The following TBCB variants were observed in gnomAD, a reference collection of about 807,000 sequenced individuals.
TBCB encodes the protein tubulin folding cofactor B, also known as tubulin-folding cofactor B.
TBCB carries 18 observed loss-of-function variants against 29.2 expected under a neutral mutation model. The ratio of observed to expected loss-of-function variants is 0.62; its 90% CI spans 0.43 to 0.91. TBCB has a LOEUF of 0.91. Among genes scored for constraint, TBCB ranks in the 40% least tolerant of loss-of-function variants. The pLI is 0.00. For missense variants in TBCB, 336 were observed against 337.6 expected (o/e 1.00, Z 0.04); for synonymous variants, 172 against 137.8 (o/e 1.25, Z -1.74).
In TBCB at chr19:36,115,569, G is replaced by A. The variant is rs1278925381; in HGVS notation, c.9G>A (p.Val3=). 3.7e-6 allele frequency: 6 copies of A among 1,607,508 alleles called. No homozygotes were observed. The highest frequency in any genetic ancestry group is 5.1e-6 in the Non-Finnish European group (6 of 1,177,458). Residue 3 remains valine, a synonymous_variant, in exon 1 of 6, where the codon GTG becomes GTA. Coordinates refer to ENST00000221855, the MANE Select transcript of TBCB (RefSeq NM_001281.3). The stretch of plus-strand genomic sequence containing the variant: ...CCGCAGGGCGCGGCAAGATGGAGGT[G>A]ACGGGGGTGTCGGCACCCACGGTGA... ME[V]TGVSAPTVTV...
chr19:36,117,292 C>A (rs1420643769), intron 2 of TBCB, among the ~76,000 whole-genome samples: 1 of 152,154 alleles, frequency 6.6e-6, no homozygotes, highest in East Asian at 1.9e-4. Flanking sequence ...ACTACTGTGT[C>A]CCCAGTACTT....
intron 3 of TBCB, 109 bp downstream of exon 3, chr19:36,120,915 C>T (rs568960844): frequency 2.5e-5 from 24 of 950,778 alleles, no homozygotes; most frequent in African/African-American, 2.5e-4. Flanking sequence ...GTGGTGTAGA[C>T]GGGGGGCCGA....
rs751435819 is a variant in TBCB, at chr19:36,121,594, G to A, written c.423G>A (p.Gln141=). ...GRYNEEERAQ[Q]EAEAAQRLAE... ...ACAACGAGGAGGAGCGGGCTCAGCA[G>A]GAGGCCGAGGCCGCCCAGCGCCTGG... The change falls in exon 4 of 6, where the codon CAG becomes CAA. Residue 141 remains glutamine (Q), a synonymous_variant. Transcript: ENST00000221855. 1 of 1,555,506 alleles carries A rather than the reference G, an allele frequency of 6.4e-7. No individual in the cohort carries two copies. The highest frequency in any genetic ancestry group is 1.9e-5 in the Admixed American group (1 of 51,868).
At chr19:36,122,241 G>C (rs894266694) in intron 4 of TBCB, 1 of 198,958 alleles carries the variant, frequency 5.0e-6, no homozygotes, top group African/African-American at 2.4e-5. Flanking sequence ...TGTAGTCAGG[G>C]GCATGGGCAG....
In TBCB at chr19:36,125,785, C is replaced by T. The variant is rs1466023583; in HGVS notation, c.*3C>T. The T allele has an allele frequency of 2.0e-6, 3 of 1,508,384 alleles. No individual in the cohort carries two copies. The highest frequency in any genetic ancestry group is 2.7e-6 in the Non-Finnish European group (3 of 1,127,578). 93.4% of individuals were successfully genotyped at this position (1,508,384 alleles called of 1,614,324 possible). On this transcript the variant is annotated 3_prime_UTR_variant, in exon 6 of 6. Transcript: ENST00000221855. ...ACTACGGGTTGGACGAGATATGACA[C>T]CTAAGGAATTCCCCTGCTTCAGCTC...
chr19:36,116,892 A>T (rs150163654), intron 2 of TBCB: 2 of 152,568 alleles, frequency 1.3e-5, no homozygotes, highest in East Asian at 3.9e-4. Flanking sequence ...AAGTGCTGGG[A>T]TTACAGGCGT....
intron 2 of TBCB, chr19:36,118,596 CT>C (rs1973995034): frequency 6.6e-6 from 1 of 150,576 alleles, no homozygotes; most frequent in Non-Finnish European, 1.5e-5. Flanking sequence ...AGGAGGATCA[CT>C]TGAACCCAGG....
intron 2 of TBCB, chr19:36,116,795 A>G (rs1274521437): frequency 2.0e-5 from 3 of 151,678 alleles, no homozygotes; most frequent in Non-Finnish European, 4.4e-5. Flanking sequence ...TAATTTTTGT[A>G]TTTTTAGTAG....
chr19:36,116,290 C>G, intron 2 of TBCB, 106 bp downstream of exon 2: 1 of 1,445,756 alleles, frequency 6.9e-7, no homozygotes, highest in Non-Finnish European at 9.4e-7. Flanking sequence ...TAGGTCCTGC[C>G]TTCGTGGAGC....
Position 36,121,536 on chromosome 19 carries a change from G to A in TBCB, c.365G>A (p.Arg122His), listed in dbSNP as rs1974049874. The change falls in exon 4 of 6, where the codon CGC becomes CAC. Residue 122 changes from arginine (R) to histidine (H), a missense_variant. Physicochemically the swap from Arg to His is conservative, Grantham distance 29. Coordinates refer to ENST00000221855, the MANE Select transcript of TBCB (RefSeq NM_001281.3). ...CCCCCTCTGCCCACAGACACGGTCC[G>A]CTCTTTCCTGAAGCGCAGCAAGCTC... ...EAYDQRQDTV[R>H]SFLKRSKLGR... 6 of 1,557,470 alleles carry A rather than the reference G, an allele frequency of 3.9e-6. No homozygotes were observed. The highest frequency in any genetic ancestry group is 1.9e-5 in the Admixed American group (1 of 52,592).
At chr19:36,119,921 C>T (rs1027679672) in intron 2 of TBCB, among the ~76,000 whole-genome samples, 2 of 151,804 alleles carry the variant, frequency 1.3e-5, no homozygotes, top group East Asian at 1.9e-4. Context: ...CCAAAGTCTC[C>T]AGCAGTCCCT....
At position 36,125,862 on chromosome 19, in the gene TBCB, C is replaced by T. The variant is rs529542468; in HGVS notation, c.*80C>T. 19 of 1,000,220 alleles carry T rather than the reference C, an allele frequency of 1.9e-5. No homozygotes were observed. In the South Asian group the frequency reaches 4.3e-4, roughly 22 times the overall value. The allele number at this position is 1,000,220 out of a possible 1,614,324, so 62.0% of individuals were successfully genotyped here. On this transcript the variant is annotated 3_prime_UTR_variant, in exon 6 of 6. Coordinates refer to ENST00000221855, the MANE Select transcript of TBCB (RefSeq NM_001281.3). The stretch of plus-strand genomic sequence containing the variant: ...TGTGTGTGCCCATGGCCCTTTTCTC[C>T]TGACCCCATTTTAATTTTATTCATT...
At chr19:36,115,886 C>G in intron 1 of TBCB, 155 bp from the exon 2 acceptor site, 1 of 1,245,526 alleles carries the variant, frequency 8.0e-7, no homozygotes, top group South Asian at 1.4e-5. Context: ...ATCCGACGGT[C>G]CAGAGGGCGG....
upstream of TBCB, chr19:36,115,389 G>A (rs967978115): frequency 5.0e-6 from 3 of 601,616 alleles, no homozygotes; most frequent in Non-Finnish European, 8.9e-6. Context: ...CTTCCTGGCG[G>A]TGGGGAAGGG....
chr19:36,115,185 T>C (rs1973923624), upstream of TBCB: 3 of 545,468 alleles, frequency 5.5e-6, no homozygotes, highest in Non-Finnish European at 9.7e-6. Flanking sequence ...GCCAAGGCGC[T>C]TGGCTTGGTT....
At chr19:36,115,405 G>A, upstream of TBCB, 1 of 614,224 alleles carries the variant, frequency 1.6e-6, no homozygotes, top group Non-Finnish European at 2.9e-6. Flanking sequence ...AAGGGACGGC[G>A]GCGATTGGCG....
At chr19:36,116,274 C>T (rs2145905506) in intron 2 of TBCB, 90 bp downstream of exon 2, 1 of 1,536,170 alleles carries the variant, frequency 6.5e-7, no homozygotes, top group Non-Finnish European at 8.9e-7. Flanking sequence ...TCAGTCATAC[C>T]CGAGATAGGT....
upstream of TBCB, chr19:36,115,280 G>T (rs746171850): frequency 5.6e-6 from 3 of 537,044 alleles, no homozygotes; most frequent in Non-Finnish European, 9.8e-6. Flanking sequence ...AGTCTTCGCC[G>T]CCTGTTCTGG....
intron 2 of TBCB, among the ~76,000 whole-genome samples, chr19:36,116,910 C>T (rs1488683772): frequency 6.6e-6 from 1 of 152,218 alleles, no homozygotes; most frequent in African/African-American, 2.4e-5. Flanking sequence ...CGTGAGCCAC[C>T]AAGCCCAGCC....
Sources: allele counts gnomAD v4.1 joint callset (sites outside exome capture counted in the v4.1 genomes callset), GRCh38; gene constraint gnomAD v4.1.1; transcripts MANE v1.5; gene names NCBI Gene and HGNC (gene_info 2026-07-23, HGNC 2026-07-21).